The following CDC27 variants were observed in gnomAD, a reference collection of about 807,000 sequenced individuals.
The protein encoded by CDC27 is cell division cycle protein 27 homolog.
In CDC27, 27 loss-of-function variants were observed where a neutral mutation model predicts 109.7. The observed-to-expected ratio is 0.25, with a 90% confidence interval of 0.18 to 0.34. The LOEUF (loss-of-function observed/expected upper bound fraction) is 0.34, where lower values mean the gene tolerates loss of function less well. Ranked by LOEUF, CDC27 falls within the 10% of genes least tolerant of loss-of-function variation. CDC27 has a pLI of 1.00. For synonymous variants in CDC27, 266 were observed against 333.9 expected (o/e 0.80, Z 2.22); for missense variants, 579 against 960.2 (o/e 0.60, Z 5.25).
chr17:47,148,614 G>A (rs2063052928), intron 9 of CDC27, among the ~76,000 whole-genome samples: 1 of 152,068 alleles, frequency 6.6e-6, no homozygotes, highest in African/African-American at 2.4e-5. Flanking sequence ...CTACACTAGA[G>A]CACATCATAA....
chr17:47,188,916 A>C (rs752581323), intron 1 of CDC27: 10 of 1,383,098 alleles, frequency 7.2e-6, no homozygotes, highest in Middle Eastern at 2.7e-4. Context: ...AAAGGCGGTT[A>C]TTTTCGCCGA....
chr17:47,119,936 T>G lies in CDC27; in HGVS notation c.*999A>C, dbSNP rs1011331383. The G allele has an allele frequency of 6.6e-6, 1 of 152,224 alleles. No individual in the cohort carries two copies. Among genetic ancestry groups the G allele is most frequent in the Non-Finnish European group, 1.5e-5 (1 of 68,024 alleles). The allele number at this position is 152,224 out of a possible 1,614,324, so 9.4% of individuals were successfully genotyped here. Reference sequence around the variant, plus strand: ...TCAACCAAAGGTAACCACACATTCTTACACTCTGCTTAAGCAAACACTTAG... The same window carrying G: ...TCAACCAAAGGTAACCACACATTCTGACACTCTGCTTAAGCAAACACTTAG... On this transcript the variant is annotated 3_prime_UTR_variant, in exon 19 of 19. Coordinates refer to ENST00000066544, the MANE Select transcript of CDC27 (RefSeq NM_001256.6).
In CDC27 at chr17:47,181,603, T is replaced by A; in HGVS notation, c.62A>T (p.Tyr21Phe). 1 of 1,608,846 alleles carries A rather than the reference T, an allele frequency of 6.2e-7. No individual in the cohort carries two copies. Among genetic ancestry groups the A allele is most frequent in the Non-Finnish European group, 8.5e-7 (1 of 1,176,086 alleles). ...AIWQALNHYA[Y>F]RDAVFLAERL... ...TTCTGCGAGGAAAACCGCATCTCGG[T>A]AAGCATAGTGGTTTAGTGCTTGCCA... The change falls in exon 2 of 19, where the codon TAC becomes TTC. Residue 21 changes from tyrosine to phenylalanine, a missense_variant. Around this residue, in one of 9 missense-constraint regions of CDC27, gnomAD observed 44 missense variants for 102.2 expected, o/e 0.43. Transcript: ENST00000066544.
intron 4 of CDC27, among the ~76,000 whole-genome samples, chr17:47,160,242 T>C (rs1036311805): frequency 6.6e-6 from 1 of 150,802 alleles, no homozygotes; most frequent in South Asian, 2.1e-4. Flanking sequence ...TTTTTTTTTT[T>C]TTTTCCTGAG....
At position 47,156,856 on chromosome 17, in the gene CDC27, G is replaced by A. The variant is rs1598501366; in HGVS notation, c.842+57C>T. ...ATAATCTGCATTACTAACAATATGA[G>A]TTATCATAAGATCATTTGGTATTAT... On this transcript the variant is annotated intron_variant, in intron 7 of 18. Transcript: ENST00000066544. 1.0e-5 allele frequency: 6 copies of A among 596,190 alleles called. No homozygotes were observed. In the East Asian group the frequency reaches 1.4e-4, roughly 14 times the overall value. 36.9% of individuals were successfully genotyped at this position (596,190 alleles called of 1,614,324 possible).
chr17:47,147,348 G>A (rs1598466936), intron 9 of CDC27, among the ~76,000 whole-genome samples: 4 of 150,722 alleles, frequency 2.7e-5, no homozygotes, highest in East Asian at 3.9e-4. Context: ...GCAGTGAGTC[G>A]AGATCGCGCC....
chr17:47,157,153 T>C (rs369181174), intron 6 of CDC27, 29 bp from the exon 7 acceptor site: 21 of 1,540,356 alleles, frequency 1.4e-5, no homozygotes, highest in Non-Finnish European at 1.7e-5. Context: ...ACCAAGTCAT[T>C]CACAATATAT....
rs2077886924 is a variant in CDC27 at position 47,131,347 on chromosome 17, T to C, written c.2031+910A>G. Reference sequence around the variant, plus strand: ...CTGTCAACTTTTTTTTCTTGCCCTGTCTTACGGTGCTGGACTATGTCCATT... The same window carrying C: ...CTGTCAACTTTTTTTTCTTGCCCTGCCTTACGGTGCTGGACTATGTCCATT... On this transcript the variant is annotated intron_variant, in intron 15 of 18. Coordinates refer to ENST00000066544, the MANE Select transcript of CDC27 (RefSeq NM_001256.6). 2.6e-5 allele frequency among the ~76,000 whole-genome samples: 4 copies of C among 152,320 alleles called. No homozygotes were observed. In the South Asian group the frequency reaches 8.3e-4, roughly 32 times the overall value.
chr17:47,133,940 G>A (rs184631652), intron 14 of CDC27, among the ~76,000 whole-genome samples: 570 of 151,472 alleles, frequency 3.8e-3, no homozygotes, highest in Non-Finnish European at 5.9e-3. Context: ...TAGTAGAGAC[G>A]AGGTTTCCCC....
At position 47,187,106 on chromosome 17, in the gene CDC27, C is replaced by T. The variant is rs149282669; in HGVS notation, c.27+2040G>A. Among the ~76,000 whole-genome samples the T allele has an allele frequency of 6.5e-3, 986 of 152,176 alleles. 20 individuals are homozygous for T. The highest frequency in any genetic ancestry group is 0.023 in the African/African-American group (944 of 41,506). ...AACCAAAATTTTCACCTAGTCATAT[C>T]CTAAAACTTTCTACCACTATCTCAA... On this transcript the variant is annotated intron_variant, in intron 1 of 18. Transcript: ENST00000066544.
At chr17:47,186,622 A>G (rs2064447771) in intron 1 of CDC27, among the ~76,000 whole-genome samples, 2 of 152,214 alleles carry the variant, frequency 1.3e-5, no homozygotes, top group African/African-American at 2.4e-5. Flanking sequence ...ACTGACAGAA[A>G]TTCTGCCTCA....
At chr17:47,184,419 C>G (rs1469190454) in intron 1 of CDC27, among the ~76,000 whole-genome samples, 1 of 152,122 alleles carries the variant, frequency 6.6e-6, no homozygotes, top group Non-Finnish European at 1.5e-5. Flanking sequence ...ACAAAAGACT[C>G]AAATGATTTA....
intron 9 of CDC27, among the ~76,000 whole-genome samples, chr17:47,148,534 A>G (rs1025639553): frequency 5.3e-5 from 8 of 152,170 alleles, no homozygotes; most frequent in African/African-American, 1.9e-4. Context: ...AATTTAGCCA[A>G]CTATTATGAA....
Position 47,123,940 on chromosome 17 carries a change from T to C in CDC27, c.2181A>G (p.Glu727=). Residue 727 remains glutamate (E), a synonymous_variant, in exon 17 of 19, where the codon GAA becomes GAG. Transcript: ENST00000066544. ...CTTTGGGAACAATTTGTTTCAATTC[T>C]TCAAGTTCTTGTAAAGCAGACTGAA... The part of the protein sequence containing the change: ...EKYKSALQEL[E]ELKQIVPKES... 6.2e-7 allele frequency: 1 copy of C among 1,602,816 alleles called. No individual in the cohort carries two copies. Among genetic ancestry groups the C allele is most frequent in the Non-Finnish European group, 8.5e-7 (1 of 1,177,122 alleles).
chr17:47,180,711 A>G (rs2064187553), intron 2 of CDC27, among the ~76,000 whole-genome samples: 1 of 152,126 alleles, frequency 6.6e-6, no homozygotes, highest in African/African-American at 2.4e-5. Context: ...GTGTTTATTA[A>G]GCATTGATTA....
intron 4 of CDC27, among the ~76,000 whole-genome samples, chr17:47,165,752 A>G (rs966430431): frequency 1.3e-4 from 20 of 152,064 alleles, no homozygotes; most frequent in African/African-American, 4.8e-4. Flanking sequence ...GCTCATAAAG[A>G]TTTTTTTCTA....
intron 1 of CDC27, among the ~76,000 whole-genome samples, chr17:47,186,570 G>A (rs937710316): frequency 6.6e-6 from 1 of 152,006 alleles, no homozygotes; most frequent in African/African-American, 2.4e-5. Flanking sequence ...AGTCACTTAG[G>A]CTAGTGTGTC....
chr17:47,176,757 A>G (rs1165943851), intron 2 of CDC27, among the ~76,000 whole-genome samples: 1 of 152,234 alleles, frequency 6.6e-6, no homozygotes, highest in Non-Finnish European at 1.5e-5. Context: ...TTAGATTTGA[A>G]TATATTGAGT....
intron 16 of CDC27, among the ~76,000 whole-genome samples, chr17:47,127,190 G>C (rs2062168662): frequency 6.6e-6 from 1 of 152,158 alleles, no homozygotes; most frequent in African/African-American, 2.4e-5. Flanking sequence ...TTCAGCCTAG[G>C]AATTTGAGGC....
Sources: allele counts gnomAD v4.1 joint callset (sites outside exome capture counted in the v4.1 genomes callset), GRCh38; gene constraint gnomAD v4.1.1; regional missense constraint gnomAD v4.1.1; transcripts MANE v1.5; gene names NCBI Gene and HGNC (gene_info 2026-07-23, HGNC 2026-07-21).